MTR: variants seen among roughly 807,000 people sequenced by gnomAD.
MTR encodes the protein methionine synthase.
A neutral mutation model predicts 154.8 loss-of-function variants in MTR; 84 were observed. The ratio of observed to expected loss-of-function variants is 0.54; its 90% CI spans 0.45 to 0.65. The LOEUF (loss-of-function observed/expected upper bound fraction) is 0.65. Ranked by LOEUF, MTR falls within the 30% of genes least tolerant of loss-of-function variation. The pLI, the probability that MTR is intolerant of heterozygous loss-of-function variation, is 0.00. For missense variants in MTR, 1,275 were observed against 1,570.2 expected, an observed-to-expected ratio of 0.81 and a Z score of 3.18; for synonymous variants, 554 against 553.9, an observed-to-expected ratio of 1.00 and a Z score of 0.00.
intron 1 of MTR, among the ~76,000 whole-genome samples, chr1:236,798,504 A>G (rs183676593): frequency 1.3e-5 from 2 of 152,330 alleles, no homozygotes; most frequent in African/African-American, 4.8e-5. Context: ...AAAACCCCAC[A>G]AAATATATTG....
rs2103145405 is a variant in MTR at position 236,835,077 on chromosome 1, T to C, written c.1189-470T>C. ...AAGAGTTATATCATTTTGGATGGTT[T>C]CTCTAAGGACTTTTTTTGGAGGAGA... On this transcript the variant is annotated intron_variant, in intron 13 of 32. Coordinates refer to ENST00000366577, the MANE Select transcript of MTR (RefSeq NM_000254.3). Among the ~76,000 whole-genome samples the C allele has an allele frequency of 2.6e-5, 4 of 152,254 alleles. No homozygotes were observed. The South Asian group carries it at 8.3e-4, about 32-fold the overall frequency.
chr1:236,810,768 AAGTT>A (rs1266893240), intron 5 of MTR, among the ~76,000 whole-genome samples, 173 bp downstream of exon 5: 2 of 152,192 alleles, frequency 1.3e-5, no homozygotes, highest in Non-Finnish European at 2.9e-5. Context: ...TCTAAATAGA[AAGTT>A]AGCTATGATG....
At chr1:236,882,982 A>G (rs2147911120) in intron 25 of MTR, among the ~76,000 whole-genome samples, 1 of 152,346 alleles carries the variant, frequency 6.6e-6, no homozygotes, top group African/African-American at 2.4e-5. Context: ...TGAAATGAAC[A>G]TGGAACAGGA....
intron 13 of MTR, among the ~76,000 whole-genome samples, chr1:236,834,912 A>G (rs1459761281): frequency 3.3e-5 from 5 of 152,198 alleles, no homozygotes; most frequent in African/African-American, 7.2e-5. Flanking sequence ...GCATTAAATA[A>G]TTTGAAAAGC....
At position 236,812,736 on chromosome 1, in the gene MTR, A is replaced by G. The variant is rs1269957639; in HGVS notation, c.503-2A>G. On this transcript the variant is annotated splice_acceptor_variant, in intron 5 of 32. Transcript: ENST00000366577. LOFTEE classifies it high-confidence loss of function. Reference sequence around the variant, plus strand: ...GTGCTGGGTGTGATTTATTTTTTGCAGCATTTGATGAGCTTGTTGAAGCAT... The same window carrying G: ...GTGCTGGGTGTGATTTATTTTTTGCGGCATTTGATGAGCTTGTTGAAGCAT... The G allele has an allele frequency of 2.5e-6, 4 of 1,613,530 alleles. No individual in the cohort carries two copies. The highest frequency in any genetic ancestry group is 3.4e-6 in the Non-Finnish European group (4 of 1,179,472).
chr1:236,808,001 G>C (rs1165383601), intron 3 of MTR, among the ~76,000 whole-genome samples: 1 of 152,110 alleles, frequency 6.6e-6, no homozygotes, highest in Non-Finnish European at 1.5e-5. Flanking sequence ...GGATATTCTG[G>C]TTGTTAAATT....
At chr1:236,857,248 G>A (rs1445811017) in intron 18 of MTR, among the ~76,000 whole-genome samples, 4 of 152,118 alleles carry the variant, frequency 2.6e-5, no homozygotes, top group South Asian at 2.1e-4. Context: ...ATCTCATTGT[G>A]CTTTTGATTT....
intron 15 of MTR, among the ~76,000 whole-genome samples, chr1:236,847,867 A>T (rs1663674212): frequency 6.6e-6 from 1 of 152,232 alleles, no homozygotes; most frequent in Non-Finnish European, 1.5e-5. Flanking sequence ...CTGAACTTCT[A>T]TTCTGGATCT....
intron 18 of MTR, among the ~76,000 whole-genome samples, chr1:236,856,607 A>G (rs555469560): frequency 5.3e-5 from 8 of 151,474 alleles, no homozygotes; most frequent in Non-Finnish European, 1.2e-4. Flanking sequence ...AGGTATACAC[A>G]TGCTATGGTG....
Position 236,874,736 on chromosome 1 carries a change from C to A in MTR, c.2484C>A (p.Gly828=). The part of the protein sequence containing the change: ...AALDHKADII[G]LSGLITPSLD... Reference sequence around the variant, plus strand: ...AAAAAAAAAAAATAGATATAATTGGCCTGTCAGGACTCATCACTCCTTCCC... The same window carrying A: ...AAAAAAAAAAAATAGATATAATTGGACTGTCAGGACTCATCACTCCTTCCC... The change falls in exon 24 of 33, where the codon GGC becomes GGA. Residue 828 remains glycine, a synonymous_variant. Coordinates refer to ENST00000366577, the MANE Select transcript of MTR (RefSeq NM_000254.3). 6.3e-7 allele frequency: 1 copy of A among 1,595,928 alleles called. No individual in the cohort carries two copies. The highest frequency in any genetic ancestry group is 1.4e-5 in the African/African-American group (1 of 73,882).
chr1:236,804,320 C>T (rs1660855427), intron 2 of MTR, among the ~76,000 whole-genome samples: 1 of 152,168 alleles, frequency 6.6e-6, no homozygotes, highest in African/African-American at 2.4e-5. Context: ...GCTTATTCAC[C>T]CCTTCCACCA....
chr1:236,899,319 G>A lies in MTR; in HGVS notation c.*1675G>A, dbSNP rs1344866905. On this transcript the variant is annotated 3_prime_UTR_variant, in exon 33 of 33. Coordinates refer to ENST00000366577, the MANE Select transcript of MTR (RefSeq NM_000254.3). ...GTCAAGACAGTGTCATGGTGCAGAG[G>A]TAGGCATTCTGAGCAGGGGAACAAA... 1 of 152,284 alleles carries A rather than the reference G, an allele frequency of 6.6e-6. No individual in the cohort carries two copies. The allele number at this position is 152,284 out of a possible 1,614,324, so 9.4% of individuals were successfully genotyped here.
chr1:236,890,148 G>A (rs570994792), intron 28 of MTR, among the ~76,000 whole-genome samples: 1 of 144,524 alleles, frequency 6.9e-6, no homozygotes, highest in East Asian at 1.9e-4. Context: ...AGTTTCCCAC[G>A]GGGGGGCGTG....
intron 5 of MTR, among the ~76,000 whole-genome samples, chr1:236,811,473 T>C (rs981928968): frequency 3.3e-5 from 5 of 152,172 alleles, no homozygotes; most frequent in African/African-American, 1.2e-4. Flanking sequence ...ATATCAGAGC[T>C]GAATAGTCAT....
rs141443696 is a variant in MTR at position 236,856,441 on chromosome 1, C to T, written c.1953+3353C>T. Among the ~76,000 whole-genome samples the T allele has an allele frequency of 5.0e-4, 76 of 151,034 alleles. No homozygotes were observed. In the East Asian group the frequency reaches 0.014, roughly 27 times the overall value. On this transcript the variant is annotated intron_variant, in intron 18 of 32. Transcript: ENST00000366577. ...TAAATCTTGGAGTTCTCCCCAATTCCTTCCTCCTCTCCTTCTTCTTTCTTC... is the reference window on the plus strand; with the variant it reads ...TAAATCTTGGAGTTCTCCCCAATTCTTTCCTCCTCTCCTTCTTCTTTCTTC...
intron 27 of MTR, among the ~76,000 whole-genome samples, 156 bp from the exon 28 acceptor site, chr1:236,889,025 G>A (rs958770570): frequency 2.6e-5 from 4 of 152,280 alleles, no homozygotes; most frequent in African/African-American, 7.2e-5. Flanking sequence ...CCTTCTCCAC[G>A]ATAATTTAAA....
intron 13 of MTR, among the ~76,000 whole-genome samples, chr1:236,833,731 A>G (rs1462079642): frequency 6.6e-6 from 1 of 152,224 alleles, no homozygotes; most frequent in African/African-American, 2.4e-5. Context: ...TGCCCAACTC[A>G]TACATCTTTA....
At chr1:236,864,941 A>G (rs182428267) in intron 22 of MTR, among the ~76,000 whole-genome samples, 99 of 152,378 alleles carry the variant, frequency 6.5e-4, no homozygotes, top group African/African-American at 2.3e-3. Context: ...CATTGAAGAA[A>G]GTGACTTGTA....
intron 26 of MTR, among the ~76,000 whole-genome samples, chr1:236,885,880 G>T (rs925235066): frequency 2.0e-5 from 3 of 152,144 alleles, no homozygotes; most frequent in Non-Finnish European, 4.4e-5. Flanking sequence ...AGGCCAAGAC[G>T]CAGTGGTTGG....
Sources: allele counts gnomAD v4.1 joint callset (sites outside exome capture counted in the v4.1 genomes callset), GRCh38; gene constraint gnomAD v4.1.1; transcripts MANE v1.5; gene names NCBI Gene and HGNC (gene_info 2026-07-23, HGNC 2026-07-21).